Variants in EFNA5 observed in about 807,000 individuals in gnomAD.
EFNA5 encodes ephrin-A5.
Under a neutral mutation model 22.9 loss-of-function variants are expected in EFNA5, and 5 were observed. The observed-to-expected ratio is 0.22, with a 90% CI of 0.11 to 0.46. EFNA5 has a LOEUF of 0.46. Ranked by LOEUF, EFNA5 falls within the 20% of genes least tolerant of loss-of-function variation. The pLI is 0.99. For missense variants in EFNA5, 237 were observed against 293.3 expected, an observed-to-expected ratio of 0.81 and a Z score of 1.40; for synonymous variants, 113 against 112.2, an observed-to-expected ratio of 1.01 and a Z score of -0.04.
intron 2 of EFNA5, among the ~76,000 whole-genome samples, chr5:107,399,596 C>T (rs1386052410): frequency 6.6e-6 from 1 of 152,120 alleles, no homozygotes; most frequent in Non-Finnish European, 1.5e-5. Context: ...TAAAAGGTGG[C>T]TCTGGACAAT....
chr5:107,501,959 T>C (rs1034803157), intron 1 of EFNA5, among the ~76,000 whole-genome samples: 4 of 152,238 alleles, frequency 2.6e-5, no homozygotes, highest in Admixed American at 1.3e-4. Flanking sequence ...GCAGCTGTGA[T>C]ACAACTATGA....
intron 1 of EFNA5, among the ~76,000 whole-genome samples, chr5:107,587,031 G>A (rs1749202105): frequency 1.3e-5 from 2 of 152,112 alleles, no homozygotes; most frequent in South Asian, 4.1e-4. Context: ...CACACTAAAT[G>A]GATGTATCAG....
intron 1 of EFNA5, among the ~76,000 whole-genome samples, chr5:107,593,228 T>C (rs376585655): frequency 2.0e-5 from 3 of 152,276 alleles, no homozygotes; most frequent in East Asian, 3.9e-4. Context: ...GCACTCCTCA[T>C]TGTCAATCAT....
At chr5:107,473,645 G>A (rs1750202714) in intron 1 of EFNA5, among the ~76,000 whole-genome samples, 1 of 150,814 alleles carries the variant, frequency 6.6e-6, no homozygotes, top group South Asian at 2.1e-4. Flanking sequence ...ATTAACAATC[G>A]GATTTTCACT....
At chr5:107,438,400 C>T (rs981978298) in intron 1 of EFNA5, among the ~76,000 whole-genome samples, 7 of 152,188 alleles carry the variant, frequency 4.6e-5, no homozygotes, top group African/African-American at 1.4e-4. Context: ...TTGGCAGAAA[C>T]ATCCAAGACC....
At chr5:107,594,456 G>A (rs1475984735) in intron 1 of EFNA5, among the ~76,000 whole-genome samples, 1 of 152,170 alleles carries the variant, frequency 6.6e-6, no homozygotes, top group Non-Finnish European at 1.5e-5. Flanking sequence ...ACTGCAGGGT[G>A]TGGCAGTGAG....
rs554940120 is a variant in EFNA5, at chr5:107,431,229, C to A, written c.126-3720G>T. On this transcript the variant is annotated intron_variant, in intron 1 of 4. Coordinates refer to ENST00000333274, the MANE Select transcript of EFNA5 (RefSeq NM_001962.3). ...GACAATATAAATATAAAAACAATGACAAACTGGAATTCATAAAAGGCAGCT... is the reference window on the plus strand; with the variant it reads ...GACAATATAAATATAAAAACAATGAAAAACTGGAATTCATAAAAGGCAGCT... Among the ~76,000 whole-genome samples, 471 of 152,248 alleles carry A rather than the reference C, an allele frequency of 3.1e-3. 4 individuals carry two copies. The highest frequency in any genetic ancestry group is 5.5e-3 in the Admixed American group (84 of 15,290).
chr5:107,383,685 T>C (rs1234144265), intron 4 of EFNA5, among the ~76,000 whole-genome samples: 1 of 152,186 alleles, frequency 6.6e-6, no homozygotes, highest in African/African-American at 2.4e-5. Flanking sequence ...CTGTTAAAGG[T>C]ACCCAGCTAG....
intron 1 of EFNA5, among the ~76,000 whole-genome samples, chr5:107,550,387 G>C (rs1748267057): frequency 6.6e-6 from 1 of 152,188 alleles, no homozygotes; most frequent in Non-Finnish European, 1.5e-5. Flanking sequence ...ATGCGAGACA[G>C]TGTTAGGACT....
intron 1 of EFNA5, among the ~76,000 whole-genome samples, chr5:107,482,908 A>T (rs1449321196): frequency 6.6e-6 from 1 of 150,466 alleles, no homozygotes; most frequent in Non-Finnish European, 1.5e-5. Flanking sequence ...ACATATATAC[A>T]CATACACACA....
chr5:107,667,716 CTCTAT>C (rs1171782746), intron 1 of EFNA5, among the ~76,000 whole-genome samples: 1 of 152,044 alleles, frequency 6.6e-6, no homozygotes, highest in Non-Finnish European at 1.5e-5. Flanking sequence ...AATTAAAGTC[CTCTAT>C]TCTTTTTTCA....
chr5:107,485,984 G>T (rs1746609077), intron 1 of EFNA5, among the ~76,000 whole-genome samples: 1 of 152,104 alleles, frequency 6.6e-6, no homozygotes, highest in Middle Eastern at 3.2e-3. Context: ...TAAACTTTCA[G>T]GTTCACCTTT....
chr5:107,491,844 A>AT (rs1222691759), intron 1 of EFNA5, among the ~76,000 whole-genome samples: 1 of 151,910 alleles, frequency 6.6e-6, no homozygotes, highest in African/African-American at 2.4e-5. Context: ...AAATTAATTA[A>AT]TTTTTTGAGA....
intron 1 of EFNA5, among the ~76,000 whole-genome samples, chr5:107,568,817 T>G (rs1406803795): frequency 6.6e-6 from 1 of 152,204 alleles, no homozygotes; most frequent in Non-Finnish European, 1.5e-5. Context: ...ATATAAAATA[T>G]ACAAAACCTC....
intron 1 of EFNA5, among the ~76,000 whole-genome samples, chr5:107,521,479 T>A (rs972068647): frequency 1.1e-4 from 15 of 138,346 alleles, no homozygotes; most frequent in South Asian, 2.2e-4. Context: ...TATATATATT[T>A]TTTTTTTTTT....
At chr5:107,523,612 G>C (rs1464089666) in intron 1 of EFNA5, among the ~76,000 whole-genome samples, 1 of 152,182 alleles carries the variant, frequency 6.6e-6, no homozygotes, top group Non-Finnish European at 1.5e-5. Flanking sequence ...TGTCCAAGAG[G>C]CTCTATCGTT....
intron 1 of EFNA5, among the ~76,000 whole-genome samples, chr5:107,585,738 A>ATAAT (rs1472814993): frequency 6.6e-6 from 1 of 152,250 alleles, no homozygotes; most frequent in Non-Finnish European, 1.5e-5. Flanking sequence ...TATGGAAAAG[A>ATAAT]TAATTCTCTT....
At chr5:107,518,837 T>G (rs1747535677) in intron 1 of EFNA5, among the ~76,000 whole-genome samples, 1 of 152,204 alleles carries the variant, frequency 6.6e-6, no homozygotes, top group Non-Finnish European at 1.5e-5. Flanking sequence ...TTTATCTTTT[T>G]GTTCTACTTG....
chr5:107,600,507 C>A (rs11948426), intron 1 of EFNA5, among the ~76,000 whole-genome samples: 2 of 150,172 alleles, frequency 1.3e-5, no homozygotes, highest in African/African-American at 4.9e-5. Context: ...TTTTTTTGGC[C>A]ACAGAGTCTC....
Sources: allele counts gnomAD v4.1 joint callset (sites outside exome capture counted in the v4.1 genomes callset), GRCh38; gene constraint gnomAD v4.1.1; transcripts MANE v1.5; gene names NCBI Gene and HGNC (gene_info 2026-07-23, HGNC 2026-07-21).